The following CHMP2B variants were observed in gnomAD, a reference collection of about 807,000 sequenced individuals.
CHMP2B encodes charged multivesicular body protein 2B, also known as VPS2 homolog B.
Under a neutral mutation model 29.8 loss-of-function variants are expected in CHMP2B, and 22 were observed. The observed-to-expected ratio is 0.74, with a 90% CI of 0.53 to 1.05. The LOEUF is 1.05. Ranked by LOEUF, CHMP2B falls within the 50% of genes least tolerant of loss-of-function variation. CHMP2B has a pLI of 0.00. For synonymous variants in CHMP2B, 78 were observed against 75.8 expected, an observed-to-expected ratio of 1.03 and a Z score of -0.15; for missense variants, 261 against 252.2, an observed-to-expected ratio of 1.03 and a Z score of -0.24.
chr3:87,231,536 G>C (rs1705909552), intron 1 of CHMP2B, among the ~76,000 whole-genome samples: 1 of 152,062 alleles, frequency 6.6e-6, no homozygotes, highest in East Asian at 1.9e-4. Context: ...ACCCAAATCT[G>C]ACTATGTTAC....
chr3:87,233,181 A>G (rs1432334175), intron 1 of CHMP2B, among the ~76,000 whole-genome samples: 4 of 151,990 alleles, frequency 2.6e-5, no homozygotes, highest in South Asian at 2.1e-4. Flanking sequence ...TTTGTTTTCT[A>G]TAGTTGCCTT....
chr3:87,246,473 A>C lies in CHMP2B; in HGVS notation c.321+565A>C, dbSNP rs576057299. ...TTTCTAAAGATCACATGTAGCTTCT[A>C]ATTTTATGAAATTGACTTTTAAAAG... On this transcript the variant is annotated intron_variant, in intron 3 of 5. Transcript: ENST00000263780. Among the ~76,000 whole-genome samples the C allele has an allele frequency of 6.6e-5, 10 of 152,188 alleles. No homozygotes were observed. The South Asian group carries it at 2.1e-3, about 32-fold the overall frequency.
Position 87,240,643 on chromosome 3 carries a change from A to G in CHMP2B, c.35-56A>G, listed in dbSNP as rs552730769. On this transcript the variant is annotated intron_variant, in intron 1 of 5. Transcript: ENST00000263780. ...ATGATCTGTGAATCCAGTATTTTAA[A>G]TGATATTGAAAATTTTACAACCCAT... The G allele has an allele frequency of 3.4e-6, 4 of 1,166,586 alleles. No homozygotes were observed. In the Admixed American group the frequency reaches 5.1e-5, roughly 15 times the overall value. 72.3% of individuals were successfully genotyped at this position (1,166,586 alleles called of 1,614,324 possible). A position where few individuals can be genotyped will look rare whatever the true frequency, so the allele number is the denominator to read the frequency against.
intron 1 of CHMP2B, among the ~76,000 whole-genome samples, chr3:87,239,981 C>A (rs879316435): frequency 6.6e-6 from 1 of 151,970 alleles, no homozygotes; most frequent in Non-Finnish European, 1.5e-5. Flanking sequence ...TGCAGAAAAC[C>A]AAACAGATTT....
At chr3:87,235,703 G>A (rs150152089) in intron 1 of CHMP2B, among the ~76,000 whole-genome samples, 1 of 152,210 alleles carries the variant, frequency 6.6e-6, no homozygotes, top group East Asian at 1.9e-4. Context: ...ATCTAGCCTT[G>A]ACTCTGATTC....
intron 1 of CHMP2B, among the ~76,000 whole-genome samples, chr3:87,232,475 T>C (rs2106892491): frequency 6.6e-6 from 1 of 152,314 alleles, no homozygotes; most frequent in Non-Finnish European, 1.5e-5. Context: ...ACTCAAATTT[T>C]ACTTTCTACT....
intron 1 of CHMP2B, among the ~76,000 whole-genome samples, chr3:87,229,931 C>G (rs761138824): frequency 6.6e-6 from 1 of 152,132 alleles, no homozygotes; most frequent in Non-Finnish European, 1.5e-5. Context: ...CAAAGATGAA[C>G]AAGTCTCTGC....
intron 2 of CHMP2B, 81 bp downstream of exon 2, chr3:87,240,871 A>C (rs1448237081): frequency 1.0e-6 from 1 of 995,900 alleles, no homozygotes; most frequent in Admixed American, 1.7e-5. Flanking sequence ...AACTAGGAAG[A>C]AGGCACATGG....
At chr3:87,240,587 G>A (rs938906436) in intron 1 of CHMP2B, 112 bp from the exon 2 acceptor site, 45 of 779,614 alleles carry the variant, frequency 5.8e-5, no homozygotes, top group Non-Finnish European at 9.6e-5. Flanking sequence ...ATGAGCCACT[G>A]CGCCCAGCCA....
chr3:87,245,028 G>C (rs1385002661), intron 2 of CHMP2B, among the ~76,000 whole-genome samples: 1 of 152,112 alleles, frequency 6.6e-6, no homozygotes, highest in East Asian at 1.9e-4. Flanking sequence ...ATTGAAGATT[G>C]TCCTGGTATC....
At chr3:87,251,220 T>C (rs1706308885) in intron 4 of CHMP2B, among the ~76,000 whole-genome samples, 1 of 151,912 alleles carries the variant, frequency 6.6e-6, no homozygotes, top group Admixed American at 6.6e-5. Context: ...TGTATGTTTA[T>C]CTTTGGCAGC....
chr3:87,253,726 A>G lies in CHMP2B; in HGVS notation c.546A>G (p.Pro182=), dbSNP rs1706354351. 1 of 1,612,432 alleles carries G rather than the reference A, an allele frequency of 6.2e-7. No homozygotes were observed. Among genetic ancestry groups the G allele is most frequent in the Non-Finnish European group, 8.5e-7 (1 of 1,178,736 alleles). ...IEISGKMAKA[P]SAARSLPSAS... is the part of the protein sequence containing the mutation. ...GTTTAATATAGATGGCCAAAGCTCC[A>G]TCAGCTGCTCGAAGCTTACCATCTG... The change falls in exon 6 of 6, where the codon CCA becomes CCG. Residue 182 remains proline (P), a synonymous_variant. Coordinates refer to ENST00000263780, the MANE Select transcript of CHMP2B (RefSeq NM_014043.4).
intron 2 of CHMP2B, 103 bp from the exon 3 acceptor site, chr3:87,245,604 TGATCGGG>T: frequency 2.3e-6 from 2 of 883,442 alleles, no homozygotes. Context: ...CCCCTCTTCA[TGATCGGG>T]GACAAAGGGT....
chr3:87,230,479 C>G (rs1039540208), intron 1 of CHMP2B, among the ~76,000 whole-genome samples: 6 of 152,100 alleles, frequency 3.9e-5, no homozygotes, highest in African/African-American at 1.4e-4. Context: ...ATACATGACA[C>G]AGTTTAATTT....
intron 4 of CHMP2B, among the ~76,000 whole-genome samples, chr3:87,252,440 T>C (rs997522585): frequency 1.3e-5 from 2 of 151,916 alleles, no homozygotes; most frequent in African/African-American, 4.8e-5. Context: ...GAAGAACTTA[T>C]TCCTTCTTGC....
At chr3:87,231,924 T>C (rs554937674) in intron 1 of CHMP2B, among the ~76,000 whole-genome samples, 4 of 152,288 alleles carry the variant, frequency 2.6e-5, no homozygotes, top group South Asian at 2.1e-4. Flanking sequence ...ACTTTCAAAG[T>C]TGGATAATGC....
intron 2 of CHMP2B, 29 bp downstream of exon 2, chr3:87,240,819 C>T (rs1342606691): frequency 1.9e-6 from 3 of 1,553,258 alleles, no homozygotes; most frequent in Non-Finnish European, 2.7e-6. Flanking sequence ...TTCAGTTTAA[C>T]TTTTCAAACA....
intron 1 of CHMP2B, among the ~76,000 whole-genome samples, chr3:87,233,271 C>T (rs1214627868): frequency 6.6e-6 from 1 of 152,084 alleles, no homozygotes; most frequent in Non-Finnish European, 1.5e-5. Flanking sequence ...ATACCATTCC[C>T]AAAACCTGAG....
chr3:87,227,979 GA>G (rs1418825789), intron 1 of CHMP2B, among the ~76,000 whole-genome samples: 4 of 152,192 alleles, frequency 2.6e-5, no homozygotes, highest in Non-Finnish European at 5.9e-5. Flanking sequence ...GGAGGGAGGG[GA>G]TAACAGGCTC....
Sources: allele counts gnomAD v4.1 joint callset (sites outside exome capture counted in the v4.1 genomes callset), GRCh38; gene constraint gnomAD v4.1.1; transcripts MANE v1.5; gene names NCBI Gene and HGNC (gene_info 2026-07-23, HGNC 2026-07-21).